Variants in THSD4 observed in about 807,000 individuals in gnomAD.
THSD4 encodes the protein thrombospondin type-1 domain-containing protein 4.
Under a neutral mutation model 119.0 loss-of-function variants are expected in THSD4, and 69 were observed. The ratio of observed to expected loss-of-function variants is 0.58; its 90% confidence interval spans 0.48 to 0.71. The LOEUF (loss-of-function observed/expected upper bound fraction) is 0.71. THSD4 is among the 30% of genes least tolerant of loss of function. The pLI is 0.00. For synonymous variants in THSD4, 524 were observed against 540.4 expected (o/e 0.97, Z 0.42); for missense variants, 1,393 against 1,391.1 (o/e 1.00, Z -0.02).
At chr15:71,241,382 A>G (rs1024680759) in intron 4 of THSD4, among the ~76,000 whole-genome samples, 1 of 152,198 alleles carries the variant, frequency 6.6e-6, no homozygotes, top group South Asian at 2.1e-4. Flanking sequence ...CCCTTCAGAC[A>G]GAAGTGCTTT....
At chr15:71,455,110 G>A (rs904767752) in intron 7 of THSD4, among the ~76,000 whole-genome samples, 3 of 152,220 alleles carry the variant, frequency 2.0e-5, no homozygotes, top group Admixed American at 1.3e-4. Context: ...GTTTCTCTGG[G>A]CCAAGGCATC....
At position 71,511,827 on chromosome 15, in the gene THSD4, C is replaced by CT. The variant is rs2048288155; in HGVS notation, c.1152+100007dup. ...AGTTATTTCACCTCTCAGGGCTTAG[C>CT]TTTAGCATCGATAAGAAAAGCTTGG... On this transcript the variant is annotated intron_variant, in intron 7 of 17. Coordinates refer to ENST00000261862, the MANE Select transcript of THSD4 (RefSeq NM_024817.3). 3.3e-5 allele frequency among the ~76,000 whole-genome samples: 5 copies of CT among 152,336 alleles called. No individual in the cohort carries two copies. In the South Asian group the frequency reaches 1.0e-3, roughly 32 times the overall value.
At chr15:71,279,884 C>A (rs1284810569) in intron 6 of THSD4, among the ~76,000 whole-genome samples, 2 of 152,102 alleles carry the variant, frequency 1.3e-5, no homozygotes, top group Admixed American at 6.6e-5. Flanking sequence ...GCAGGAAGAG[C>A]AATGGGCAAA....
intron 4 of THSD4, among the ~76,000 whole-genome samples, chr15:71,218,013 C>T (rs1426773763): frequency 6.6e-6 from 1 of 152,006 alleles, no homozygotes; most frequent in African/African-American, 2.4e-5. Flanking sequence ...CCTCGAACTC[C>T]TGCCCGCTTC....
At chr15:71,592,794 G>T (rs114592054) in intron 7 of THSD4, among the ~76,000 whole-genome samples, 3,109 of 152,142 alleles carry the variant, frequency 0.02, 97 homozygotes, top group African/African-American at 0.07. Context: ...CTGAGTTTCA[G>T]TGCTGACTGA....
chr15:71,335,320 G>T (rs1419747839), intron 6 of THSD4, among the ~76,000 whole-genome samples: 1 of 152,038 alleles, frequency 6.6e-6, no homozygotes, highest in Non-Finnish European at 1.5e-5. Flanking sequence ...GGTATTTCAA[G>T]GAAACAGAAT....
At chr15:71,771,719 A>G (rs1257978865) in intron 17 of THSD4, among the ~76,000 whole-genome samples, 2 of 152,220 alleles carry the variant, frequency 1.3e-5, no homozygotes, top group Non-Finnish European at 2.9e-5. Flanking sequence ...GAGTGACAGC[A>G]GGAAGATCTA....
chr15:71,729,466 C>G (rs1297537392), intron 9 of THSD4: 2 of 152,166 alleles, frequency 1.3e-5, no homozygotes, highest in Non-Finnish European at 2.9e-5. Flanking sequence ...GTCCCCAAAG[C>G]TGAGCTGATT....
chr15:71,307,575 G>T (rs1402869442), intron 6 of THSD4, among the ~76,000 whole-genome samples: 2 of 152,172 alleles, frequency 1.3e-5, no homozygotes, highest in Admixed American at 1.3e-4. Flanking sequence ...TTCAAGACCA[G>T]CCTGGCCAAC....
chr15:71,158,703 T>C (rs2043225329), intron 3 of THSD4, among the ~76,000 whole-genome samples: 1 of 152,106 alleles, frequency 6.6e-6, no homozygotes, highest in South Asian at 2.1e-4. Context: ...ATTCTGGATA[T>C]TAGCCCCTTG....
upstream of THSD4, chr15:71,110,589 C>T (rs1264641731): frequency 6.5e-6 from 1 of 154,726 alleles, no homozygotes; most frequent in Non-Finnish European, 1.4e-5. Context: ...ACTTCTTCCA[C>T]CCTGGGAACA....
intron 7 of THSD4, among the ~76,000 whole-genome samples, chr15:71,542,505 TAAG>T (rs1474166086): frequency 6.6e-6 from 1 of 152,150 alleles, no homozygotes; most frequent in African/African-American, 2.4e-5. Flanking sequence ...ACGAATGTGA[TAAG>T]AAGGGCATTT....
At chr15:71,605,346 A>G (rs1595779268) in intron 7 of THSD4, among the ~76,000 whole-genome samples, 5 of 152,222 alleles carry the variant, frequency 3.3e-5, no homozygotes, top group African/African-American at 7.2e-5. Flanking sequence ...CGTTCTAAGT[A>G]TAGGTCATGT....
At chr15:71,318,094 T>C (rs2045216438) in intron 6 of THSD4, among the ~76,000 whole-genome samples, 1 of 152,186 alleles carries the variant, frequency 6.6e-6, no homozygotes, top group South Asian at 2.1e-4. Context: ...GGAGGAAGGA[T>C]TCAGGGAGCA....
Position 71,526,768 on chromosome 15 carries a change from C to T in THSD4, c.1152+114945C>T, listed in dbSNP as rs181546200. 2.3e-3 allele frequency among the ~76,000 whole-genome samples: 353 copies of T among 152,252 alleles called. 7 individuals carry two copies. The highest frequency in any genetic ancestry group is 0.021 in the Admixed American group (326 of 15,304). On this transcript the variant is annotated intron_variant, in intron 7 of 17. Transcript: ENST00000261862. ...TAGCAATGGCACACAGGTATTCTGC[C>T]AAATTTTGATGTGTATCTAAAATTT...
chr15:71,631,164 T>C (rs1167258231), intron 7 of THSD4, among the ~76,000 whole-genome samples: 1 of 152,104 alleles, frequency 6.6e-6, no homozygotes, highest in Non-Finnish European at 1.5e-5. Context: ...CACAGTAGGA[T>C]CACCTGGGAA....
intron 6 of THSD4, among the ~76,000 whole-genome samples, chr15:71,403,631 G>A (rs2046568473): frequency 4.6e-5 from 7 of 152,170 alleles, no homozygotes. Flanking sequence ...TATTTCTCAG[G>A]CTTGTATTTG....
chr15:71,131,940 G>T (rs1466281857), intron 1 of THSD4, among the ~76,000 whole-genome samples: 1 of 152,220 alleles, frequency 6.6e-6, no homozygotes, highest in African/African-American at 2.4e-5. Flanking sequence ...CTGCATGACT[G>T]TGTGAAGTAG....
intron 7 of THSD4, among the ~76,000 whole-genome samples, chr15:71,597,918 C>G (rs2076177678): frequency 6.6e-6 from 1 of 152,128 alleles, no homozygotes; most frequent in Admixed American, 6.6e-5. Context: ...TCATTTCTCC[C>G]TCAGATATTT....
Sources: gnomAD v4.1 joint callset for allele counts (sites outside exome capture counted in the v4.1 genomes callset) on GRCh38, gnomAD v4.1.1 for gene constraint, MANE v1.5 for transcripts, NCBI Gene and HGNC (gene_info 2026-07-23, HGNC 2026-07-21) for gene names.